The following RBM33 variants were observed in gnomAD, a reference collection of about 807,000 sequenced individuals.
RBM33 encodes the protein RNA-binding protein 33.
Under a neutral mutation model 132.6 loss-of-function variants are expected in RBM33, and 28 were observed. That is an observed-to-expected ratio of 0.21 (90% CI 0.16 to 0.29). RBM33 has a LOEUF of 0.29. Ranked by LOEUF, RBM33 falls within the 10% of genes least tolerant of loss-of-function variation. RBM33 has a pLI of 1.00. For synonymous variants in RBM33, 634 were observed against 593.0 expected (o/e 1.07, Z -1.01); for missense variants, 1,291 against 1,518.5 (o/e 0.85, Z 2.49).
Position 155,745,398 on chromosome 7 carries a change from G to C in RBM33, c.2775G>C (p.Gln925His). The change falls in exon 14 of 18, where the codon CAG becomes CAC. Residue 925 changes from glutamine to histidine, a missense_variant. By Grantham distance (24) the Gln-to-His change is conservative (BLOSUM62 0). Transcript: ENST00000401878. This position sits in a 1 kb window ranked among gnomAD's most constrained non-coding sequence, Gnocchi z 4.1. Reference sequence around the variant, plus strand: ...GAACAGTTCCTCAAAGTCAGACTCAGCCGCTGCATAAAGTGCTCCCGATCA... The same window carrying C: ...GAACAGTTCCTCAAAGTCAGACTCACCCGCTGCATAAAGTGCTCCCGATCA... The part of the protein sequence containing the change: ...QTRTVPQSQT[Q>H]PLHKVLPIKP... The C allele has an allele frequency of 6.2e-7, 1 of 1,613,562 alleles. No homozygotes were observed. Among genetic ancestry groups the C allele is most frequent in the Non-Finnish European group, 8.5e-7 (1 of 1,179,722 alleles).
At chr7:155,755,995 A>C (rs1488454233) in intron 14 of RBM33, among the ~76,000 whole-genome samples, 3 of 152,208 alleles carry the variant, frequency 2.0e-5, no homozygotes, top group Non-Finnish European at 4.4e-5. Context: ...AGATGACAAA[A>C]CTTCTTTTCT....
At chr7:155,725,411 A>C (rs894467001) in intron 9 of RBM33, among the ~76,000 whole-genome samples, 1 of 152,092 alleles carries the variant, frequency 6.6e-6, no homozygotes, top group Non-Finnish European at 1.5e-5. Context: ...AAGTTCACAC[A>C]ACTGGGCGCA....
In RBM33 at chr7:155,695,246, T is replaced by C. The variant is rs185348672; in HGVS notation, c.568-5527T>C. On this transcript the variant is annotated intron_variant, in intron 5 of 17. Coordinates refer to ENST00000401878, the MANE Select transcript of RBM33 (RefSeq NM_053043.3). The stretch of plus-strand genomic sequence containing the variant: ...TCTTTTTATTTGTTTCTATATATGC[T>C]ATATATATCCTATATATTTTTCATA... Among the ~76,000 whole-genome samples the C allele has an allele frequency of 1.4e-4, 21 of 152,296 alleles. No homozygotes were observed. The East Asian group carries it at 3.3e-3, about 24-fold the overall frequency.
At chr7:155,658,985 C>A (rs971755748) in intron 1 of RBM33, among the ~76,000 whole-genome samples, 1 of 152,070 alleles carries the variant, frequency 6.6e-6, no homozygotes, top group African/African-American at 2.4e-5. Context: ...TCTACCAGGT[C>A]GCTGGTTGAT....
intron 8 of RBM33, among the ~76,000 whole-genome samples, chr7:155,716,367 C>T (rs1354688795): frequency 7.5e-6 from 1 of 132,922 alleles, no homozygotes; most frequent in Non-Finnish European, 1.5e-5. Flanking sequence ...GTGCAAATTA[C>T]CAGCTCATCA....
intron 3 of RBM33, among the ~76,000 whole-genome samples, chr7:155,673,764 G>GCTCA (rs141072820): frequency 5.8e-5 from 1 of 17,238 alleles, no homozygotes. Context: ...ACGCGCGCAT[G>GCTCA]CGCGCACACA....
At chr7:155,677,991 T>C (rs747185874) in intron 3 of RBM33, among the ~76,000 whole-genome samples, 6 of 152,162 alleles carry the variant, frequency 3.9e-5, no homozygotes, top group Non-Finnish European at 7.3e-5. Flanking sequence ...TCTAAGATGC[T>C]CAAATATATA....
At chr7:155,661,141 TA>T (rs1271265873) in intron 1 of RBM33, among the ~76,000 whole-genome samples, 26 of 75,510 alleles carry the variant, frequency 3.4e-4, no homozygotes, top group African/African-American at 1.2e-3. Context: ...TATATATATA[TA>T]TATATTTTTT....
In RBM33 at chr7:155,694,992, C is replaced by T. The variant is rs527585310; in HGVS notation, c.568-5781C>T. 3.9e-4 allele frequency among the ~76,000 whole-genome samples: 59 copies of T among 152,252 alleles called. No homozygotes were observed. In the South Asian group the frequency reaches 4.4e-3, roughly 11 times the overall value. Reference sequence around the variant, plus strand: ...AACCACTATTGGTTTTCCAAAGTGGCTGTACCATTTGGCACTCCCACCGGT... The same window carrying T: ...AACCACTATTGGTTTTCCAAAGTGGTTGTACCATTTGGCACTCCCACCGGT... On this transcript the variant is annotated intron_variant, in intron 5 of 17. Coordinates refer to ENST00000401878, the MANE Select transcript of RBM33 (RefSeq NM_053043.3).
At chr7:155,714,453 C>T (rs896551197) in intron 8 of RBM33, among the ~76,000 whole-genome samples, 8 of 152,070 alleles carry the variant, frequency 5.3e-5, no homozygotes, top group Non-Finnish European at 1.0e-4. Flanking sequence ...AGAGGTGGCA[C>T]GGATCTGAGG....
intron 1 of RBM33, among the ~76,000 whole-genome samples, chr7:155,649,823 A>G (rs1798306529): frequency 1.3e-5 from 2 of 152,122 alleles, no homozygotes. Flanking sequence ...AACAAACAAA[A>G]ACTCCTGTGC....
intron 1 of RBM33, among the ~76,000 whole-genome samples, chr7:155,655,309 CTG>C (rs1278190060): frequency 1.3e-5 from 2 of 152,116 alleles, no homozygotes; most frequent in South Asian, 2.1e-4. Context: ...AACTACATGA[CTG>C]TACTTTTATT....
intron 2 of RBM33, among the ~76,000 whole-genome samples, chr7:155,672,317 T>G (rs970080209): frequency 2.9e-4 from 44 of 152,096 alleles, no homozygotes; most frequent in African/African-American, 8.5e-4. Context: ...CATATTAAGG[T>G]ACAAAACTAA....
At chr7:155,750,015 A>T (rs887603171) in intron 14 of RBM33, among the ~76,000 whole-genome samples, 5 of 152,152 alleles carry the variant, frequency 3.3e-5, no homozygotes, top group African/African-American at 1.2e-4. Context: ...TTTTTTTCCC[A>T]CTCATTTTAC....
chr7:155,684,302 G>A (rs1585434351), intron 5 of RBM33, among the ~76,000 whole-genome samples: 1 of 152,266 alleles, frequency 6.6e-6, no homozygotes, highest in South Asian at 2.1e-4. Context: ...AGGATCAGAC[G>A]TTGTCACTTG....
intron 1 of RBM33, among the ~76,000 whole-genome samples, chr7:155,646,972 C>T (rs952253081): frequency 6.6e-6 from 1 of 152,176 alleles, no homozygotes; most frequent in African/African-American, 2.4e-5. Context: ...TTATGTTAGT[C>T]ATTTCCACGT....
Position 155,672,850 on chromosome 7 carries a change from CTTT to C in RBM33, c.123-11_123-9del. The C allele has an allele frequency of 6.5e-7, 1 of 1,529,234 alleles. No homozygotes were observed. The highest frequency in any genetic ancestry group is 2.5e-5 in the East Asian group (1 of 40,130). The allele number at this position is 1,529,234 out of a possible 1,614,324, so 94.7% of individuals were successfully genotyped here. ...TATGGGAATAATCATTGACATGTCT[CTTT>C]TTTTTCTCCCAAGTGAACTTGAAGA... On this transcript the variant is annotated splice_polypyrimidine_tract_variant and intron_variant, in intron 2 of 17. Transcript: ENST00000401878.
At position 155,739,910 on chromosome 7, in the gene RBM33, C is replaced by T; in HGVS notation, c.1933C>T (p.Pro645Ser). The change falls in exon 12 of 18, where the codon CCG becomes TCG. Residue 645 changes from proline (P) to serine (S), a missense_variant. Physicochemically the swap from Pro to Ser is moderately conservative, Grantham distance 74 (BLOSUM62 -1). Around this residue, in one of 7 missense-constraint regions of RBM33, gnomAD observed 841 missense variants for 912.0 expected, o/e 0.92. Transcript: ENST00000401878. ...HHHHHHHLSV[P>S]PPPLMPMSQP... ...CCACCACCACCACCACCTGTCCGTCCCGCCCCCTCCTTTGATGCCGATGTC... is the reference window on the plus strand; with the variant it reads ...CCACCACCACCACCACCTGTCCGTCTCGCCCCCTCCTTTGATGCCGATGTC... The T allele has an allele frequency of 6.4e-7, 1 of 1,550,704 alleles. No individual in the cohort carries two copies. Among genetic ancestry groups the T allele is most frequent in the Non-Finnish European group, 8.7e-7 (1 of 1,146,888 alleles).
intron 1 of RBM33, among the ~76,000 whole-genome samples, chr7:155,646,160 A>G (rs1241598171): frequency 6.6e-6 from 1 of 151,978 alleles, no homozygotes; most frequent in East Asian, 1.9e-4. Context: ...TGTTATTTGT[A>G]TTTTTTCTCT....
Sources: gnomAD v4.1 joint callset for allele counts (sites outside exome capture counted in the v4.1 genomes callset) on GRCh38, gnomAD v4.1.1 for gene constraint, gnomAD v4.1.1 regional missense constraint, Gnocchi (gnomAD v3.1) non-coding constraint, MANE v1.5 for transcripts, NCBI Gene and HGNC (gene_info 2026-07-23, HGNC 2026-07-21) for gene names.